The following IFI16 variants were observed in gnomAD, a reference collection of about 807,000 sequenced individuals.
IFI16 encodes gamma-interferon-inducible protein 16.
Under a neutral mutation model 68.4 loss-of-function variants are expected in IFI16, and 49 were observed. That is an observed-to-expected ratio of 0.72 (90% CI 0.57 to 0.91). The LOEUF (loss-of-function observed/expected upper bound fraction) is 0.91, where lower values mean the gene tolerates loss of function less well. Among genes scored for constraint, IFI16 ranks in the 40% least tolerant of loss-of-function variants. IFI16 has a pLI of 0.00. For synonymous variants in IFI16, 307 were observed against 315.0 expected (o/e 0.97, Z 0.27); for missense variants, 878 against 942.9 (o/e 0.93, Z 0.90).
At chr1:159,001,904 CA>C (rs971893948), upstream of IFI16, among the ~76,000 whole-genome samples, 3 of 152,104 alleles carry the variant, frequency 2.0e-5, no homozygotes, top group Non-Finnish European at 2.9e-5. Context: ...CTTCATGTCC[CA>C]GGGGTGTACA....
intron 7 of IFI16, among the ~76,000 whole-genome samples, chr1:159,042,884 T>C (rs1381476613): frequency 6.6e-6 from 1 of 152,186 alleles, no homozygotes; most frequent in African/African-American, 2.4e-5. Context: ...TCCAGCGTTA[T>C]GGGGCCTATA....
chr1:159,015,902 A>C lies in IFI16; in HGVS notation c.296A>C (p.Lys99Thr). The C allele has an allele frequency of 6.2e-7, 1 of 1,614,026 alleles. No individual in the cohort carries two copies. The highest frequency in any genetic ancestry group is 8.5e-7 in the Non-Finnish European group (1 of 1,179,862). Residue 99 changes from lysine (K) to threonine (T), a missense_variant, in exon 3 of 12, where the codon AAG becomes ACG. This residue lies in a region of IFI16 where 443 missense variants were observed against 421.8 expected (regional missense o/e 1.05). Coordinates refer to ENST00000295809, the MANE Select transcript of IFI16 (RefSeq NM_001376587.1). ...GGACCAGCCCTATCAAGAAAGAGGA[A>C]GAAGGAAGTGGATGCTACTTCACCT... is the stretch of plus-strand genomic sequence containing the variant. Reference protein sequence around the residue: ...VKGPALSRKRKKEVDATSPAP... With the variant: ...VKGPALSRKRTKEVDATSPAP...
At position 159,051,804 on chromosome 1, in the gene IFI16, G is replaced by C; in HGVS notation, c.1791G>C (p.Lys597Asn). ...ESFVYEPKEQ[K>N]KMFHATVATE... is the part of the protein sequence containing the mutation. The stretch of plus-strand genomic sequence containing the variant: ...TTGTATATGAGCCCAAAGAGCAGAA[G>C]AAAATGTTTCATGCCACAGTGGCAA... Residue 597 changes from lysine (K) to asparagine (N), a missense_variant, in exon 10 of 12, where the codon AAG (lysine) becomes AAC (asparagine). Lys to Asn is a moderately conservative substitution (Grantham distance 94, BLOSUM62 0). Transcript: ENST00000295809. The C allele has an allele frequency of 3.1e-6, 5 of 1,614,132 alleles. No homozygotes were observed. Among genetic ancestry groups the C allele is most frequent in the Non-Finnish European group, 4.2e-6 (5 of 1,179,950 alleles).
chr1:159,036,535 T>G (rs1235939035), intron 7 of IFI16, among the ~76,000 whole-genome samples: 1 of 152,204 alleles, frequency 6.6e-6, no homozygotes, highest in Non-Finnish European at 1.5e-5. Flanking sequence ...CTTGAGCATT[T>G]AATGATCATA....
intron 10 of IFI16, chr1:159,052,350 G>A: frequency 2.1e-6 from 1 of 485,384 alleles, no homozygotes. Context: ...CATTTTATTA[G>A]TTTTGATGAT....
At position 159,015,966 on chromosome 1, in the gene IFI16, A is replaced by C. The variant is rs2101814124; in HGVS notation, c.360A>C (p.Ala120=). The C allele has an allele frequency of 6.2e-7, 1 of 1,613,736 alleles. No individual in the cohort carries two copies. The highest frequency in any genetic ancestry group is 2.2e-5 in the East Asian group (1 of 44,884). Residue 120 remains alanine, a synonymous_variant, in exon 3 of 12, where the codon GCA becomes GCC. Coordinates refer to ENST00000295809, the MANE Select transcript of IFI16 (RefSeq NM_001376587.1). ...STSSTVKTEG[A]EATPGAQKRK... is the part of the protein sequence containing the mutation. ...GCAGCACTGTCAAAACTGAAGGAGC[A>C]GAGGCAACTCCTGGAGCTCAGGTAA...
At chr1:159,030,772 A>G (rs1653949995) in intron 6 of IFI16, among the ~76,000 whole-genome samples, 1 of 150,588 alleles carries the variant, frequency 6.6e-6, no homozygotes. Flanking sequence ...TCCTCCAGCC[A>G]GGAGGTGGAG....
At chr1:159,027,204 A>G (rs1029921747) in intron 6 of IFI16, among the ~76,000 whole-genome samples, 5 of 152,100 alleles carry the variant, frequency 3.3e-5, no homozygotes, top group East Asian at 1.9e-4. Flanking sequence ...TATCACTTCT[A>G]TGCCAATATT....
At chr1:159,046,989 C>CTTGCCTTTTGCCTT (rs3835724) in intron 8 of IFI16, among the ~76,000 whole-genome samples, 1 of 150,800 alleles carries the variant, frequency 6.6e-6, no homozygotes, top group Non-Finnish European at 1.5e-5. Flanking sequence ...CTTATCCCAG[C>CTTGCCTTTTGCCTT]TTGCCTTTTG....
At position 159,032,651 on chromosome 1, in the gene IFI16, A is replaced by T; in HGVS notation, c.1289A>T (p.Gln430Leu). Reference protein sequence around the residue: ...TFPESHLRTPQMPPTTPSSSF... With the variant: ...TFPESHLRTPLMPPTTPSSSF... ...CCTGAGAGCCATCTTCGGACTCCTC[A>T]GATGCCACCAACAACTCCATCCAGC... is the stretch of plus-strand genomic sequence containing the variant. The change falls in exon 7 of 12, where the codon CAG becomes CTG. Residue 430 changes from glutamine (Q) to leucine (L), a missense_variant. Gln to Leu is a moderately radical substitution (Grantham distance 113, BLOSUM62 -2). This residue lies in a region of IFI16 where 443 missense variants were observed against 421.8 expected (regional missense o/e 1.05). Transcript: ENST00000295809. 6.2e-7 allele frequency: 1 copy of T among 1,607,530 alleles called. No individual in the cohort carries two copies.
intron 6 of IFI16, among the ~76,000 whole-genome samples, chr1:159,024,115 C>A (rs1055388191): frequency 6.6e-6 from 1 of 152,118 alleles, no homozygotes; most frequent in African/African-American, 2.4e-5. Flanking sequence ...ATTTAAAGTG[C>A]GAAGGGAATA....
chr1:159,043,087 T>C (rs557233056), intron 7 of IFI16, among the ~76,000 whole-genome samples: 11 of 152,316 alleles, frequency 7.2e-5, no homozygotes, highest in African/African-American at 1.7e-4. Context: ...TTTCTACATG[T>C]GGGTTTTCTC....
chr1:159,016,024 C>T (rs758653009), intron 3 of IFI16, 37 bp downstream of exon 3: 2 of 1,345,386 alleles, frequency 1.5e-6, no homozygotes, highest in Non-Finnish European at 2.1e-6. Flanking sequence ...TCAAGTCCCA[C>T]AGAGGAAGCT....
At chr1:159,021,080 A>G (rs181570289) in intron 6 of IFI16, among the ~76,000 whole-genome samples, 3 of 152,286 alleles carry the variant, frequency 2.0e-5, no homozygotes, top group Non-Finnish European at 4.4e-5. Context: ...CGCTGTTGCC[A>G]TTTTGAATGT....
chr1:159,020,733 A>G (rs1261774837), intron 6 of IFI16, among the ~76,000 whole-genome samples: 1 of 152,158 alleles, frequency 6.6e-6, no homozygotes, highest in Non-Finnish European at 1.5e-5. Flanking sequence ...TTAAAAAGAA[A>G]GAAATCTGAA....
chr1:159,007,183 T>C (rs1020397231), upstream of IFI16, among the ~76,000 whole-genome samples: 2 of 151,778 alleles, frequency 1.3e-5, no homozygotes, highest in Non-Finnish European at 2.9e-5. Flanking sequence ...CATGTGAGAG[T>C]TGGAGAGACA....
At chr1:159,031,879 A>G (rs1654021247) in intron 6 of IFI16, among the ~76,000 whole-genome samples, 1 of 152,246 alleles carries the variant, frequency 6.6e-6, no homozygotes, top group Non-Finnish European at 1.5e-5. Flanking sequence ...TGGGGAACCA[A>G]TATAATGCAG....
chr1:159,026,736 A>G (rs996162002), intron 6 of IFI16, among the ~76,000 whole-genome samples: 2 of 152,238 alleles, frequency 1.3e-5, no homozygotes, highest in African/African-American at 4.8e-5. Context: ...TTGGTTAGAT[A>G]TATTCCTAAG....
chr1:159,045,926 G>A (rs1284347633), intron 8 of IFI16, among the ~76,000 whole-genome samples: 5 of 151,160 alleles, frequency 3.3e-5, no homozygotes, highest in African/African-American at 1.2e-4. Flanking sequence ...CCACATTTCA[G>A]TACATGGTCT....
Sources: allele counts gnomAD v4.1 joint callset (sites outside exome capture counted in the v4.1 genomes callset), GRCh38; gene constraint gnomAD v4.1.1; regional missense constraint gnomAD v4.1.1; transcripts MANE v1.5; gene names NCBI Gene and HGNC (gene_info 2026-07-23, HGNC 2026-07-21).